Variants in CDH8 observed in about 807,000 individuals in gnomAD.
The protein encoded by CDH8 is cadherin-8.
A neutral mutation model predicts 68.1 loss-of-function variants in CDH8; 17 were observed. The ratio of observed to expected loss-of-function variants is 0.25; its 90% CI spans 0.17 to 0.37. CDH8 has a LOEUF of 0.37. Among genes scored for constraint, CDH8 ranks in the 10% least tolerant of loss-of-function variants. The pLI, the probability that CDH8 is intolerant of heterozygous loss-of-function variation, is 1.00. For synonymous variants in CDH8, 372 were observed against 365.1 expected (o/e 1.02, Z -0.21); for missense variants, 763 against 999.3 (o/e 0.76, Z 3.19).
chr16:61,843,761 T>C (rs918455358), intron 4 of CDH8, among the ~76,000 whole-genome samples: 25 of 152,204 alleles, frequency 1.6e-4, no homozygotes, highest in South Asian at 4.1e-4. Context: ...AATGGGATGG[T>C]TGGGTCAAAT....
intron 3 of CDH8, among the ~76,000 whole-genome samples, chr16:61,875,832 A>G (rs1406644500): frequency 6.6e-6 from 1 of 152,086 alleles, no homozygotes; most frequent in Admixed American, 6.6e-5. Context: ...TTGCCACCAA[A>G]TAGGAAGCTA....
rs1433762273 is a variant in CDH8 at position 61,650,309 on chromosome 16, T to C, written c.*3299A>G. The C allele has an allele frequency of 6.6e-6, 1 of 152,062 alleles. No individual in the cohort carries two copies. The highest frequency in any genetic ancestry group is 2.4e-5 in the African/African-American group (1 of 41,414). The allele number at this position is 152,062 out of a possible 1,614,324, so 9.4% of individuals were successfully genotyped here. On this transcript the variant is annotated 3_prime_UTR_variant, in exon 12 of 12. Transcript: ENST00000577390. ...GAGTAGAGGCTGAATTGATCCCATG[T>C]TGTGTCCAATCACCCAGGGATGCAT...
intron 3 of CDH8, among the ~76,000 whole-genome samples, chr16:61,872,286 A>G (rs1221485369): frequency 6.6e-6 from 1 of 152,208 alleles, no homozygotes. Flanking sequence ...CAACCATGAC[A>G]CAGCCTCAGG....
rs533736257 is a variant in CDH8 at position 61,732,403 on chromosome 16, C to T, written c.1415-5188G>A. Among the ~76,000 whole-genome samples the T allele has an allele frequency of 1.4e-4, 21 of 151,620 alleles. No individual in the cohort carries two copies. In the East Asian group the frequency reaches 3.7e-3, roughly 27 times the overall value. ...AACAAAAACTAATCACCAGGGAACC[C>T]CAATAAAAATAGCAGCTAACTTCTC... On this transcript the variant is annotated intron_variant, in intron 8 of 11. Coordinates refer to ENST00000577390, the MANE Select transcript of CDH8 (RefSeq NM_001796.5).
chr16:62,023,596 G>C (rs1291720132), intron 1 of CDH8, among the ~76,000 whole-genome samples: 1 of 152,090 alleles, frequency 6.6e-6, no homozygotes, highest in Non-Finnish European at 1.5e-5. Flanking sequence ...CCCTAGAGAG[G>C]CTTTGAGAAA....
chr16:61,706,642 A>C (rs1375563500), intron 10 of CDH8, among the ~76,000 whole-genome samples: 1 of 151,474 alleles, frequency 6.6e-6, no homozygotes, highest in South Asian at 2.1e-4. Context: ...AAAAAAAAAA[A>C]AAGTGTAACT....
chr16:62,016,643 C>T (rs1901947431), intron 2 of CDH8, among the ~76,000 whole-genome samples: 1 of 152,192 alleles, frequency 6.6e-6, no homozygotes, highest in Admixed American at 6.5e-5. Flanking sequence ...CACTGAGGTA[C>T]ATGGAGATGT....
intron 6 of CDH8, among the ~76,000 whole-genome samples, chr16:61,820,319 T>G (rs981746515): frequency 6.8e-6 from 1 of 146,610 alleles, no homozygotes; most frequent in Non-Finnish European, 1.5e-5. Flanking sequence ...GTTTGGTTTT[T>G]TTTTTTTTTT....
chr16:61,857,135 G>A lies in CDH8; in HGVS notation c.651C>T (p.Ser217=). 1.2e-6 allele frequency: 2 copies of A among 1,613,504 alleles called. No homozygotes were observed. Among genetic ancestry groups the A allele is most frequent in the Non-Finnish European group, 8.5e-7 (1 of 1,179,588 alleles). ...YSILEGQPYF[S]IEPETAIIKT... The stretch of plus-strand genomic sequence containing the variant: ...GCCACAAACCTGTTTCAGGCTCAAT[G>A]GAAAAATAAGGCTGCCCTTCCAATA... The change falls in exon 4 of 12, where the codon TCC becomes TCT. Residue 217 remains serine (S), a synonymous_variant. Transcript: ENST00000577390.
intron 10 of CDH8, among the ~76,000 whole-genome samples, chr16:61,684,059 C>T (rs1487613467): frequency 6.6e-6 from 1 of 152,022 alleles, no homozygotes; most frequent in Non-Finnish European, 1.5e-5. Flanking sequence ...TCGTGCTCCT[C>T]AGAGATTGGT....
At chr16:61,785,167 T>A (rs1961206077) in intron 8 of CDH8, among the ~76,000 whole-genome samples, 1 of 122,494 alleles carries the variant, frequency 8.2e-6, no homozygotes, top group Non-Finnish European at 1.7e-5. Context: ...TTTGAAAGGA[T>A]CAACAAAATT....
chr16:61,964,461 A>C (rs1379500964), intron 2 of CDH8, among the ~76,000 whole-genome samples: 1 of 152,160 alleles, frequency 6.6e-6, no homozygotes, highest in South Asian at 2.1e-4. Context: ...TGGGAAAAGT[A>C]ACCGGAAGGA....
chr16:61,962,286 T>C (rs1007001846), intron 2 of CDH8, among the ~76,000 whole-genome samples: 2 of 152,168 alleles, frequency 1.3e-5, no homozygotes, highest in Admixed American at 6.5e-5. Context: ...TAAGTAAGCA[T>C]GTCTCCATGC....
chr16:61,973,077 G>A (rs1965371365), intron 2 of CDH8, among the ~76,000 whole-genome samples: 1 of 152,074 alleles, frequency 6.6e-6, no homozygotes, highest in Admixed American at 6.6e-5. Context: ...AGTTGCAGGG[G>A]TCCACTTATA....
At position 62,031,677 on chromosome 16, in the gene CDH8, A is replaced by AACACACACAC. The variant is rs10528241; in HGVS notation, c.-200+4393_-200+4402dup. On this transcript the variant is annotated intron_variant, in intron 1 of 11. Coordinates refer to ENST00000577390, the MANE Select transcript of CDH8 (RefSeq NM_001796.5). ...GAGAACTTAAACACACACACCCACA[A>AACACACACAC]ACACACACACACACACACACAAGAC... Among the ~76,000 whole-genome samples, 723 of 150,024 alleles carry AACACACACAC rather than the reference A, an allele frequency of 4.8e-3. 8 individuals are homozygous for AACACACACAC. The highest frequency in any genetic ancestry group is 3.7e-3 in the Non-Finnish European group (246 of 67,236).
chr16:61,874,508 T>C (rs1963427152), intron 3 of CDH8, among the ~76,000 whole-genome samples: 1 of 151,896 alleles, frequency 6.6e-6, no homozygotes, highest in Non-Finnish European at 1.5e-5. Context: ...ATTTTTTGTA[T>C]TTTCAGTAGA....
intron 8 of CDH8, among the ~76,000 whole-genome samples, chr16:61,733,302 T>A (rs1959585612): frequency 6.6e-6 from 1 of 151,904 alleles, no homozygotes. Flanking sequence ...TTTGGGTGTA[T>A]GTTTGTATAC....
intron 4 of CDH8, among the ~76,000 whole-genome samples, chr16:61,832,333 T>TAGAC (rs1962475240): frequency 1.0e-5 from 1 of 96,610 alleles, no homozygotes; most frequent in Non-Finnish European, 2.1e-5. Flanking sequence ...AGATAGATAA[T>TAGAC]AGATAGATAG....
chr16:61,986,363 C>G (rs1965628296), intron 2 of CDH8, among the ~76,000 whole-genome samples: 1 of 152,154 alleles, frequency 6.6e-6, no homozygotes, highest in Non-Finnish European at 1.5e-5. Context: ...TTCCTTCACT[C>G]CTTTTTTTTC....
Sources: allele counts gnomAD v4.1 joint callset (sites outside exome capture counted in the v4.1 genomes callset), GRCh38; gene constraint gnomAD v4.1.1; transcripts MANE v1.5; gene names NCBI Gene and HGNC (gene_info 2026-07-23, HGNC 2026-07-21).